The following PCDHGA4 variants were observed in gnomAD, a reference collection of about 807,000 sequenced individuals.
PCDHGA4 encodes the protein protocadherin gamma-A4.
A neutral mutation model predicts 54.6 loss-of-function variants in PCDHGA4; 38 were observed. The observed-to-expected ratio is 0.70, with a 90% CI of 0.54 to 0.91. The LOEUF (loss-of-function observed/expected upper bound fraction) is 0.91. PCDHGA4 is among the 40% of genes least tolerant of loss of function. The pLI is 0.00. For missense variants in PCDHGA4, 1,298 were observed against 1,220.9 expected (o/e 1.06, Z -0.94); for synonymous variants, 511 against 512.9 (o/e 1.00, Z 0.05).
chr5:141,478,101 T>G, intron 1 of PCDHGA4: 1 of 1,614,018 alleles, frequency 6.2e-7, no homozygotes, highest in Middle Eastern at 1.6e-4. Flanking sequence ...ACTGCTACCC[T>G]CACTGTGTCA....
In PCDHGA4 at chr5:141,356,977, G is replaced by A. The variant is rs1466660563; in HGVS notation, c.1870G>A (p.Ala624Thr). 1 of 1,614,238 alleles carries A rather than the reference G, an allele frequency of 6.2e-7. No individual in the cohort carries two copies. The highest frequency in any genetic ancestry group is 1.1e-5 in the South Asian group (1 of 91,092). Residue 624 changes from alanine (A) to threonine (T), a missense_variant, in exon 1 of 4, where the codon GCA (alanine) becomes ACA (threonine). By Grantham distance (58) the Ala-to-Thr change is moderately conservative. Transcript: ENST00000571252. ...CGGCTACCTGGTGACCAAAGTGGTG[G>A]CAGTGGACAGAGACTCAGGTCAGAA... Reference protein sequence around the residue: ...DSGYLVTKVVAVDRDSGQNAW... With the variant: ...DSGYLVTKVVTVDRDSGQNAW...
intron 1 of PCDHGA4, chr5:141,397,999 G>GA (rs2093596115): frequency 2.9e-6 from 4 of 1,387,690 alleles, no homozygotes; most frequent in African/African-American, 2.9e-5. Flanking sequence ...TTCCTCCTCG[G>GA]AAAAAGAATC....
At chr5:141,421,789 G>A (rs756677817) in intron 1 of PCDHGA4, 5 of 1,613,830 alleles carry the variant, frequency 3.1e-6, no homozygotes, top group East Asian at 2.2e-5. Context: ...GGGCAGAACG[G>A]ATGGGGCCAA....
rs187307897 is a variant in PCDHGA4 at position 141,505,900 on chromosome 5, A to G, written c.2662+419A>G. 2.6e-4 allele frequency among the ~76,000 whole-genome samples: 39 copies of G among 152,296 alleles called. 1 individual carries two copies. In the East Asian group the frequency reaches 6.8e-3, roughly 26 times the overall value. ...TGTAGAGATTAAATGAGATGATACCACAAAGCATAGAGTTCTGGGCCTGGC... is the reference window on the plus strand; with the variant it reads ...TGTAGAGATTAAATGAGATGATACCGCAAAGCATAGAGTTCTGGGCCTGGC... On this transcript the variant is annotated intron_variant, in intron 3 of 3. Transcript: ENST00000571252.
At chr5:141,398,521 A>C in intron 1 of PCDHGA4, 1 of 1,613,690 alleles carries the variant, frequency 6.2e-7, no homozygotes, top group Non-Finnish European at 8.5e-7. Context: ...CCACACGCCA[A>C]AATTCACGCA....
Position 141,387,890 on chromosome 5 carries a change from G to A in PCDHGA4, c.2514+30269G>A, listed in dbSNP as rs541321171. On this transcript the variant is annotated intron_variant, in intron 1 of 3. Coordinates refer to ENST00000571252, the MANE Select transcript of PCDHGA4 (RefSeq NM_018917.4). ...AGCTGAGGAGAGCAAGAGGGATGGG[G>A]AGCGGCGCCGGGGAGCTGGGCCGGG... The A allele has an allele frequency of 1.9e-6, 3 of 1,554,976 alleles. No homozygotes were observed. The South Asian group carries it at 3.7e-5, about 19-fold the overall frequency.
chr5:141,414,909 C>G (rs1230113440), intron 1 of PCDHGA4: 4 of 1,614,220 alleles, frequency 2.5e-6, no homozygotes, highest in Non-Finnish European at 3.4e-6. Context: ...GTTCCACAGG[C>G]GTGGAGCTGG....
rs147057088 is a variant in PCDHGA4 at position 141,432,065 on chromosome 5, A to C, written c.2515-62742A>C. 6.2e-7 allele frequency: 1 copy of C among 1,613,930 alleles called. No individual in the cohort carries two copies. Among genetic ancestry groups the C allele is most frequent in the Non-Finnish European group, 8.5e-7 (1 of 1,180,014 alleles). On this transcript the variant is annotated intron_variant, in intron 1 of 3. Coordinates refer to ENST00000571252, the MANE Select transcript of PCDHGA4 (RefSeq NM_018917.4). This position sits in a 1 kb window ranked among gnomAD's most constrained non-coding sequence, Gnocchi z 6.0. ...GGGAACCCCGCCCCTATCCACGGAA[A>C]CTCATATCTCGCTGAACGTGGCAGA...
At chr5:141,383,542 T>G (rs1779235852) in intron 1 of PCDHGA4, 1 of 1,612,562 alleles carries the variant, frequency 6.2e-7, no homozygotes, top group Non-Finnish European at 8.5e-7. Flanking sequence ...CCTCACAGCC[T>G]CTGATGGCGG....
chr5:141,374,761 C>G, intron 1 of PCDHGA4: 3 of 1,613,458 alleles, frequency 1.9e-6, no homozygotes, highest in South Asian at 1.1e-5. Context: ...CAAGCGTCGC[C>G]CAAATTCTGG....
chr5:141,398,337 G>T, intron 1 of PCDHGA4: 3 of 1,369,482 alleles, frequency 2.2e-6, no homozygotes, highest in Non-Finnish European at 3.0e-6. Context: ...GCGTCAGTTC[G>T]GAGAAGCCTT....
chr5:141,488,672 G>A (rs1012955473), intron 1 of PCDHGA4, among the ~76,000 whole-genome samples: 20 of 152,208 alleles, frequency 1.3e-4, no homozygotes, highest in African/African-American at 4.8e-4. Context: ...GAATACATGG[G>A]CTTTGCCTCT....
At chr5:141,480,894 C>CA (rs1235468010) in intron 1 of PCDHGA4, among the ~76,000 whole-genome samples, 15 of 151,848 alleles carry the variant, frequency 9.9e-5, no homozygotes, top group African/African-American at 3.4e-4. Context: ...AAAATGCAAA[C>CA]ATTAGCTGGG....
chr5:141,430,987 C>T (rs1171599563), intron 1 of PCDHGA4: 2 of 1,613,690 alleles, frequency 1.2e-6, no homozygotes, highest in African/African-American at 2.7e-5. Context: ...AGCTTTTCGC[C>T]CTGAATCCGC....
intron 1 of PCDHGA4, chr5:141,410,151 G>A: frequency 6.2e-7 from 1 of 1,613,018 alleles, no homozygotes; most frequent in Non-Finnish European, 8.5e-7. Flanking sequence ...CGTGACGGTG[G>A]ACAGCCGCCA....
At chr5:141,441,763 G>A in intron 1 of PCDHGA4, 1 of 384,020 alleles carries the variant, frequency 2.6e-6, no homozygotes, top group Non-Finnish European at 5.2e-6. Flanking sequence ...GTGAGCCTGC[G>A]CGTGTTGGTG....
At position 141,384,752 on chromosome 5, in the gene PCDHGA4, C is replaced by T. The variant is rs974144646; in HGVS notation, c.2514+27131C>T. 6.2e-6 allele frequency: 10 copies of T among 1,613,906 alleles called. No individual in the cohort carries two copies. The African/African-American group carries it at 6.7e-5, about 11-fold the overall frequency. ...AAGGCCAGCGAGCCAGGACTCTTTG[C>T]GGTTGGGCTGTACACGGGCGAGGTG... On this transcript the variant is annotated intron_variant, in intron 1 of 3. Coordinates refer to ENST00000571252, the MANE Select transcript of PCDHGA4 (RefSeq NM_018917.4).
chr5:141,413,352 G>A (rs896091511), intron 1 of PCDHGA4: 1 of 1,613,976 alleles, frequency 6.2e-7, no homozygotes, highest in African/African-American at 1.3e-5. Flanking sequence ...TGGGTCTGGC[G>A]CCCCGGGAGC....
At chr5:141,389,462 C>G in intron 1 of PCDHGA4, 1 of 1,613,316 alleles carries the variant, frequency 6.2e-7, no homozygotes, top group East Asian at 2.2e-5. Flanking sequence ...TGCGCGCCTT[C>G]GAACTCACAC....
Sources: allele counts gnomAD v4.1 joint callset (sites outside exome capture counted in the v4.1 genomes callset), GRCh38; gene constraint gnomAD v4.1.1; non-coding constraint Gnocchi (gnomAD v3.1); transcripts MANE v1.5; gene names NCBI Gene and HGNC (gene_info 2026-07-23, HGNC 2026-07-21).